The following RABGAP1L variants were observed in gnomAD, a reference collection of about 807,000 sequenced individuals.
RABGAP1L encodes the protein RAB GTPase activating protein 1 like.
A neutral mutation model predicts 137.7 loss-of-function variants in RABGAP1L; 63 were observed. The ratio of observed to expected loss-of-function variants is 0.46; its 90% CI spans 0.37 to 0.56. The LOEUF is 0.56. Among genes scored for constraint, RABGAP1L ranks in the 20% least tolerant of loss-of-function variants. The pLI, the probability that RABGAP1L is intolerant of heterozygous loss-of-function variation, is 0.00. For missense variants in RABGAP1L, 1,095 were observed against 1,244.0 expected, an observed-to-expected ratio of 0.88 and a Z score of 1.80; for synonymous variants, 431 against 433.7, an observed-to-expected ratio of 0.99 and a Z score of 0.08.
intron 14 of RABGAP1L, among the ~76,000 whole-genome samples, chr1:174,661,158 A>G (rs1379782716): frequency 6.6e-6 from 1 of 152,218 alleles, no homozygotes; most frequent in Non-Finnish European, 1.5e-5. Flanking sequence ...AAATTTTTTA[A>G]CAAACAGTGA....
intron 12 of RABGAP1L, among the ~76,000 whole-genome samples, chr1:174,372,087 A>G (rs1685156490): frequency 6.6e-6 from 1 of 152,204 alleles, no homozygotes; most frequent in Non-Finnish European, 1.5e-5. Flanking sequence ...AGAAAATTTC[A>G]TTTTATGTAT....
In RABGAP1L at chr1:174,448,334, A is replaced by T; in HGVS notation, c.1710+54189A>T. 3.1e-6 allele frequency: 5 copies of T among 1,613,708 alleles called. No homozygotes were observed. The highest frequency in any genetic ancestry group is 4.2e-6 in the Non-Finnish European group (5 of 1,179,650). ...TTGTGCTCCACTGTTACATCATTAT[A>T]CTACCAGCTATTTCATTCAGACGAT... On this transcript the variant is annotated intron_variant, in intron 13 of 25. Transcript: ENST00000681986. The surrounding 1 kb of genome is among the most constrained non-coding windows in gnomAD (Gnocchi z 4.2).
chr1:174,435,619 T>C (rs1175367467), intron 13 of RABGAP1L, among the ~76,000 whole-genome samples: 1 of 152,148 alleles, frequency 6.6e-6, no homozygotes, highest in African/African-American at 2.4e-5. Flanking sequence ...TTCTCACTGA[T>C]CATTTTGTAT....
chr1:174,267,418 T>C (rs889063344), intron 7 of RABGAP1L, among the ~76,000 whole-genome samples: 1 of 152,188 alleles, frequency 6.6e-6, no homozygotes, highest in African/African-American at 2.4e-5. Flanking sequence ...CAGTGGACTC[T>C]AGATATGCAG....
At position 174,969,272 on chromosome 1, in the gene RABGAP1L, T is replaced by A. The variant is rs950417727; in HGVS notation, c.2434-5T>A. 6.5e-7 allele frequency: 1 copy of A among 1,547,502 alleles called. No homozygotes were observed. The highest frequency in any genetic ancestry group is 1.2e-5 in the South Asian group (1 of 83,990). On this transcript the variant is annotated splice_polypyrimidine_tract_variant and splice_region_variant and intron_variant, in intron 20 of 25. Coordinates refer to ENST00000681986, the MANE Select transcript of RABGAP1L (RefSeq NM_001366446.1). The stretch of plus-strand genomic sequence containing the variant: ...TGCCCACCTCTGGCTATTGTTCTTC[T>A]GCAGAGGGAGAACCGAAGATTACAG...
At chr1:174,241,448 A>T in intron 4 of RABGAP1L, 35 bp from the exon 5 acceptor site, 2 of 1,371,186 alleles carry the variant, frequency 1.5e-6, no homozygotes, top group Non-Finnish European at 9.8e-7. Context: ...TTCGAGAATT[A>T]ATATTTTATC....
intron 11 of RABGAP1L, among the ~76,000 whole-genome samples, chr1:174,329,635 T>G (rs1254220134): frequency 5.3e-5 from 8 of 152,132 alleles, no homozygotes; most frequent in Admixed American, 5.2e-4. Context: ...CACCATTATC[T>G]AGAAGGATTC....
At chr1:174,634,950 G>T (rs1673826695) in intron 13 of RABGAP1L, among the ~76,000 whole-genome samples, 1 of 147,112 alleles carries the variant, frequency 6.8e-6, no homozygotes, top group African/African-American at 2.5e-5. Flanking sequence ...GAGTTAGTGG[G>T]TGCAGCGCAC....
Position 174,250,593 on chromosome 1 carries a change from C to T in RABGAP1L, c.836C>T (p.Ser279Phe). The T allele has an allele frequency of 1.9e-6, 3 of 1,613,216 alleles. No individual in the cohort carries two copies. The highest frequency in any genetic ancestry group is 2.5e-6 in the Non-Finnish European group (3 of 1,179,730). ...AGTGATGTGTTTACCTTCAGTGTCT[C>T]CTTGGAGGTAAAAGAAGACGATGGA... is the stretch of plus-strand genomic sequence containing the variant. ...PDSDVFTFSV[S>F]LEVKEDDGKG... Residue 279 changes from serine to phenylalanine, a missense_variant, in exon 6 of 26, where the codon TCC becomes TTC. By Grantham distance (155) the Ser-to-Phe change is radical. Coordinates refer to ENST00000681986, the MANE Select transcript of RABGAP1L (RefSeq NM_001366446.1).
chr1:174,650,837 A>G (rs1047083241), intron 14 of RABGAP1L, among the ~76,000 whole-genome samples: 5 of 140,384 alleles, frequency 3.6e-5, no homozygotes, highest in African/African-American at 1.2e-4. Context: ...TATTTCCTTC[A>G]GTTGTGCTCT....
At chr1:174,686,760 G>A (rs1368849036) in intron 15 of RABGAP1L, among the ~76,000 whole-genome samples, 2 of 147,290 alleles carry the variant, frequency 1.4e-5, no homozygotes, top group African/African-American at 2.5e-5. Flanking sequence ...GGGTTCAAGC[G>A]ATTCTCCTGC....
chr1:174,358,542 T>C (rs1683845089), intron 11 of RABGAP1L, among the ~76,000 whole-genome samples: 1 of 152,200 alleles, frequency 6.6e-6, no homozygotes, highest in Non-Finnish European at 1.5e-5. Flanking sequence ...AGGGAGGGCC[T>C]GTGACACTTT....
At chr1:174,788,941 T>G (rs1014115445) in intron 18 of RABGAP1L, among the ~76,000 whole-genome samples, 31 of 152,176 alleles carry the variant, frequency 2.0e-4, no homozygotes, top group African/African-American at 7.2e-4. Context: ...CTCGAACTCC[T>G]GAGCTCAGGC....
chr1:174,935,070 G>GGT (rs1664529722), intron 19 of RABGAP1L: 1 of 152,024 alleles, frequency 6.6e-6, no homozygotes. Context: ...TAGATTCCTG[G>GGT]GTCAGATGTG....
intron 19 of RABGAP1L, among the ~76,000 whole-genome samples, chr1:174,942,681 C>T (rs1003703115): frequency 3.3e-5 from 5 of 152,184 alleles, no homozygotes; most frequent in Non-Finnish European, 7.3e-5. Flanking sequence ...CACTCAGTGC[C>T]TGGCACATAG....
intron 11 of RABGAP1L, among the ~76,000 whole-genome samples, chr1:174,330,291 A>G (rs954686755): frequency 9.2e-5 from 14 of 152,206 alleles, no homozygotes; most frequent in African/African-American, 3.1e-4. Flanking sequence ...AAGAAATCCT[A>G]TTTATAAGTC....
At chr1:174,639,764 C>CA (rs977731531) in intron 14 of RABGAP1L, among the ~76,000 whole-genome samples, 1 of 152,052 alleles carries the variant, frequency 6.6e-6, no homozygotes. Context: ...TTACCAAACA[C>CA]AAAAATAAAA....
Position 174,448,051 on chromosome 1 carries a change from TGCTGG to T in RABGAP1L, c.1710+53909_1710+53913del. On this transcript the variant is annotated intron_variant, in intron 13 of 25. Transcript: ENST00000681986. The surrounding 1 kb of genome is among the most constrained non-coding windows in gnomAD (Gnocchi z 4.2). Reference sequence around the variant, plus strand: ...ACACTCATGTGCGGTGTTTAACAGATGCTGGGCAGGGCATCTGCTTGCTGTAGCCA... The same window carrying T: ...ACACTCATGTGCGGTGTTTAACAGATGCAGGGCATCTGCTTGCTGTAGCCA... 1 of 1,472,604 alleles carries T rather than the reference TGCTGG, an allele frequency of 6.8e-7. No homozygotes were observed. Among genetic ancestry groups the T allele is most frequent in the Non-Finnish European group, 9.3e-7 (1 of 1,074,282 alleles). The allele number at this position is 1,472,604 out of a possible 1,614,324, so 91.2% of individuals were successfully genotyped here.
At chr1:174,741,975 G>A (rs1230897240) in intron 17 of RABGAP1L, among the ~76,000 whole-genome samples, 2 of 149,468 alleles carry the variant, frequency 1.3e-5, no homozygotes, top group Admixed American at 6.7e-5. Context: ...GAAGGTTGAG[G>A]CTGTGGTGAG....
Sources: gnomAD v4.1 joint callset for allele counts (sites outside exome capture counted in the v4.1 genomes callset) on GRCh38, gnomAD v4.1.1 for gene constraint, Gnocchi (gnomAD v3.1) non-coding constraint, MANE v1.5 for transcripts, NCBI Gene and HGNC (gene_info 2026-07-23, HGNC 2026-07-21) for gene names.